KLF12: variants seen among roughly 807,000 people sequenced by gnomAD.
KLF12 encodes KLF transcription factor 12, also known as Krueppel-like factor 12.
In KLF12, 9 loss-of-function variants were observed where a neutral mutation model predicts 37.8. The observed-to-expected ratio is 0.24, with a 90% CI of 0.14 to 0.42. The LOEUF is 0.42. Ranked by LOEUF, KLF12 falls within the 10% of genes least tolerant of loss-of-function variation. The pLI is 1.00. For missense variants in KLF12, 411 were observed against 516.0 expected (o/e 0.80, Z 1.97); for synonymous variants, 208 against 202.1 (o/e 1.03, Z -0.25).
chr13:73,727,063 T>C (rs1190335271), intron 6 of KLF12, among the ~76,000 whole-genome samples: 1 of 152,216 alleles, frequency 6.6e-6, no homozygotes, highest in East Asian at 1.9e-4. Flanking sequence ...TTTCCTGTGC[T>C]CATGGGCCAT....
the KLF12 span, among the ~76,000 whole-genome samples, chr13:74,188,001 T>TA: frequency 6.6e-6 from 1 of 152,198 alleles, no homozygotes; most frequent in Non-Finnish European, 1.5e-5. Flanking sequence ...TGATTTCTTT[T>TA]AAAAAATGTC....
the KLF12 span, among the ~76,000 whole-genome samples, chr13:74,149,941 C>T: frequency 2.0e-5 from 3 of 152,216 alleles, no homozygotes; most frequent in Non-Finnish European, 4.4e-5. Flanking sequence ...TCCTCACCTT[C>T]TGGTTTCTGC....
At chr13:74,012,482 T>C (rs1323348087) in intron 1 of KLF12, among the ~76,000 whole-genome samples, 1 of 152,186 alleles carries the variant, frequency 6.6e-6, no homozygotes, top group Non-Finnish European at 1.5e-5. Flanking sequence ...TTATATCACA[T>C]CCCTGCTACA....
chr13:73,834,140 C>A (rs1425353272), intron 4 of KLF12, among the ~76,000 whole-genome samples: 2 of 151,890 alleles, frequency 1.3e-5, no homozygotes, highest in African/African-American at 2.4e-5. Context: ...AGAACACCTC[C>A]TCCCCCCACC....
Position 73,916,375 on chromosome 13 carries a change from T to C in KLF12, c.123+27606A>G, listed in dbSNP as rs147416164. On this transcript the variant is annotated intron_variant, in intron 3 of 7. Coordinates refer to ENST00000377669, the MANE Select transcript of KLF12 (RefSeq NM_007249.5). ...GCTTTATTGAATTCCAGAACTGGGA[T>C]AGAGCACAAGAACCAGAGCTATCAA... Among the ~76,000 whole-genome samples, 376 of 152,276 alleles carry C rather than the reference T, an allele frequency of 2.5e-3. 1 individual carries two copies. Among genetic ancestry groups the C allele is most frequent in the African/African-American group, 7.6e-3 (314 of 41,560 alleles).
chr13:73,759,267 T>C (rs1038303283), intron 6 of KLF12, among the ~76,000 whole-genome samples: 9 of 152,202 alleles, frequency 5.9e-5, no homozygotes, highest in African/African-American at 2.2e-4. Context: ...ATGAAGGCTT[T>C]GCATTCTTGG....
chr13:73,877,855 G>C (rs1886792063), intron 3 of KLF12, among the ~76,000 whole-genome samples: 1 of 152,110 alleles, frequency 6.6e-6, no homozygotes, highest in Non-Finnish European at 1.5e-5. Context: ...CCTCAAGCCT[G>C]GAAACTGGCA....
chr13:73,810,982 C>CTTTTTTTTTTTTTTTTTTTT (rs376490803), intron 5 of KLF12, among the ~76,000 whole-genome samples: 1 of 44,808 alleles, frequency 2.2e-5, no homozygotes, highest in African/African-American at 8.4e-5. Flanking sequence ...ATTTTTCTTT[C>CTTTTTTTTTTTTTTTTTTTT]TTTTTTTTTT....
chr13:73,716,935 CT>C (rs1182253750), intron 6 of KLF12, among the ~76,000 whole-genome samples: 1 of 151,986 alleles, frequency 6.6e-6, no homozygotes, highest in African/African-American at 2.4e-5. Context: ...ACTGGCATAA[CT>C]TTTTTTATTA....
At chr13:73,855,630 C>T (rs143513014) in intron 3 of KLF12, among the ~76,000 whole-genome samples, 8 of 152,180 alleles carry the variant, frequency 5.3e-5, no homozygotes, top group Middle Eastern at 3.4e-3. Flanking sequence ...ATTGCTGGGC[C>T]GAATGGTAGT....
chr13:73,893,119 C>G (rs1887591927), intron 3 of KLF12, among the ~76,000 whole-genome samples: 1 of 151,964 alleles, frequency 6.6e-6, no homozygotes, highest in East Asian at 1.9e-4. Context: ...TGAAAAGGCA[C>G]TCTTTCAAAA....
chr13:73,886,075 A>G (rs962790335), intron 3 of KLF12, among the ~76,000 whole-genome samples: 11 of 152,274 alleles, frequency 7.2e-5, no homozygotes, highest in African/African-American at 1.4e-4. Flanking sequence ...ATCAAGGGAC[A>G]TGACAAGGGC....
intron 1 of KLF12, among the ~76,000 whole-genome samples, chr13:74,077,470 TA>T (rs1874633903): frequency 6.6e-6 from 1 of 152,126 alleles, no homozygotes; most frequent in African/African-American, 2.4e-5. Flanking sequence ...TAATTAACAG[TA>T]TAATAATTAG....
the KLF12 span, among the ~76,000 whole-genome samples, chr13:74,149,983 C>A: frequency 1.4e-3 from 212 of 152,306 alleles, 4 homozygotes; most frequent in East Asian, 0.035. Flanking sequence ...CCCAGACAAC[C>A]TTTTCAAAAA....
chr13:73,810,062 T>C (rs1882845419), intron 5 of KLF12, among the ~76,000 whole-genome samples: 1 of 152,090 alleles, frequency 6.6e-6, no homozygotes, highest in Non-Finnish European at 1.5e-5. Context: ...CTGGCCAACA[T>C]GGTGAAACTC....
At chr13:74,233,182 C>T in the KLF12 span, among the ~76,000 whole-genome samples, 31 of 152,268 alleles carry the variant, frequency 2.0e-4, no homozygotes, top group South Asian at 1.2e-3. Flanking sequence ...CGCGCCTGGC[C>T]TGATCTTATT....
intron 6 of KLF12, among the ~76,000 whole-genome samples, chr13:73,719,755 C>T (rs1045437370): frequency 3.3e-5 from 5 of 152,072 alleles, no homozygotes; most frequent in African/African-American, 1.2e-4. Flanking sequence ...GTACATGCCA[C>T]CATGCCTGGC....
chr13:74,070,939 C>G (rs1297654658), intron 1 of KLF12, among the ~76,000 whole-genome samples: 1 of 152,146 alleles, frequency 6.6e-6, no homozygotes, highest in Admixed American at 6.5e-5. Context: ...TCACTATGAA[C>G]AACTTATAGA....
At chr13:74,304,773 G>A in the KLF12 span, among the ~76,000 whole-genome samples, 7 of 152,048 alleles carry the variant, frequency 4.6e-5, no homozygotes, top group Non-Finnish European at 8.8e-5. Context: ...GCTGAGGGTA[G>A]AGAAAAGGAG....
Sources: allele counts gnomAD v4.1 joint callset (sites outside exome capture counted in the v4.1 genomes callset), GRCh38; gene constraint gnomAD v4.1.1; transcripts MANE v1.5; gene names NCBI Gene and HGNC (gene_info 2026-07-23, HGNC 2026-07-21).